The following YTHDF3 variants were observed in gnomAD, a reference collection of about 807,000 sequenced individuals.
YTHDF3 encodes YTH domain-containing family protein 3.
Under a neutral mutation model 52.5 loss-of-function variants are expected in YTHDF3, and 9 were observed. That is an observed-to-expected ratio of 0.17 (90% CI 0.10 to 0.30). The LOEUF (loss-of-function observed/expected upper bound fraction) is 0.30, where lower values mean the gene tolerates loss of function less well. YTHDF3 is among the 10% of genes least tolerant of loss of function. The probability of loss-of-function intolerance (pLI) is 1.00; values close to 1 mark genes in which losing one functional copy is unlikely to be tolerated. For missense variants in YTHDF3, 534 were observed against 715.0 expected, an observed-to-expected ratio of 0.75 and a Z score of 2.89; for synonymous variants, 274 against 243.3, an observed-to-expected ratio of 1.13 and a Z score of -1.18.
chr8:63,170,222 T>C (rs1335811354), intron 2 of YTHDF3, among the ~76,000 whole-genome samples: 1 of 152,192 alleles, frequency 6.6e-6, no homozygotes, highest in Non-Finnish European at 1.5e-5. Context: ...TAACATTTTG[T>C]AGTGCTTGAA....
At chr8:63,173,508 G>A (rs940420411) in intron 2 of YTHDF3, 11 of 288,700 alleles carry the variant, frequency 3.8e-5, no homozygotes, top group Non-Finnish European at 5.7e-5. Flanking sequence ...CTAGATTTTC[G>A]AGAACCTAGT....
At chr8:63,197,602 T>C (rs1180983410) in intron 4 of YTHDF3, among the ~76,000 whole-genome samples, 1 of 152,154 alleles carries the variant, frequency 6.6e-6, no homozygotes, top group Admixed American at 6.5e-5. Context: ...GCGTGGCTTG[T>C]AGTACGGGAG....
intron 3 of YTHDF3, among the ~76,000 whole-genome samples, chr8:63,177,480 G>A (rs746239127): frequency 1.6e-4 from 25 of 152,158 alleles, no homozygotes; most frequent in Non-Finnish European, 3.1e-4. Flanking sequence ...TAAAATAAGC[G>A]TGATTTTACT....
Position 63,187,753 on chromosome 8 carries a change from T to C in YTHDF3, c.1734+8T>C. 1 of 1,576,292 alleles carries C rather than the reference T, an allele frequency of 6.3e-7. No individual in the cohort carries two copies. Among genetic ancestry groups the C allele is most frequent in the South Asian group, 1.2e-5 (1 of 85,166 alleles). Reference sequence around the variant, plus strand: ...GAGGAAGCCATGCGTAGGGTAAGAATATAGTAATTTTTTGTTTGGGGTCTT... The same window carrying C: ...GAGGAAGCCATGCGTAGGGTAAGAACATAGTAATTTTTTGTTTGGGGTCTT... On this transcript the variant is annotated splice_region_variant and intron_variant, in intron 4 of 4. Coordinates refer to ENST00000539294, the MANE Select transcript of YTHDF3 (RefSeq NM_152758.6).
intron 3 of YTHDF3, among the ~76,000 whole-genome samples, chr8:63,180,636 A>G (rs2130037848): frequency 6.6e-6 from 1 of 152,270 alleles, no homozygotes; most frequent in African/African-American, 2.4e-5. Context: ...TGGGAGGTGG[A>G]GGTTGTAGCG....
chr8:63,209,361 A>G (rs1390472818), intron 4 of YTHDF3, among the ~76,000 whole-genome samples: 2 of 152,122 alleles, frequency 1.3e-5, no homozygotes, highest in Non-Finnish European at 2.9e-5. Flanking sequence ...TCTGTTTGAC[A>G]CCTCAAGATG....
At chr8:63,179,096 G>T (rs1382328399) in intron 3 of YTHDF3, among the ~76,000 whole-genome samples, 1 of 152,074 alleles carries the variant, frequency 6.6e-6, no homozygotes, top group Non-Finnish European at 1.5e-5. Context: ...CAAACCCAAG[G>T]GTACTTTAAA....
At chr8:63,177,902 C>T (rs184674704) in intron 3 of YTHDF3, among the ~76,000 whole-genome samples, 1 of 152,076 alleles carries the variant, frequency 6.6e-6, no homozygotes, top group East Asian at 1.9e-4. Flanking sequence ...GGATTACAGA[C>T]ACATGCTACC....
At chr8:63,203,103 A>G (rs1328887029) in intron 4 of YTHDF3, among the ~76,000 whole-genome samples, 1 of 152,002 alleles carries the variant, frequency 6.6e-6, no homozygotes, top group Non-Finnish European at 1.5e-5. Context: ...TTAGCTGAGC[A>G]TGGTGGCAGA....
At position 63,209,817 on chromosome 8, in the gene YTHDF3, T is replaced by G; in HGVS notation, c.*111T>G. 9.2e-7 allele frequency: 1 copy of G among 1,089,274 alleles called. No homozygotes were observed. The highest frequency in any genetic ancestry group is 1.3e-6 in the Non-Finnish European group (1 of 773,196). The allele number at this position is 1,089,274 out of a possible 1,614,324, so 67.5% of individuals were successfully genotyped here. ...CTCTTTTCTGCTTAAGGTGACATCT[T>G]TGAACACTTTAACACAAAGTTGACT... On this transcript the variant is annotated 3_prime_UTR_variant, in exon 5 of 5. Transcript: ENST00000539294.
chr8:63,195,862 G>A (rs1472819456), intron 4 of YTHDF3, among the ~76,000 whole-genome samples: 1 of 151,976 alleles, frequency 6.6e-6, no homozygotes, highest in Non-Finnish European at 1.5e-5. Context: ...GTGCAGTGGT[G>A]TGATCATAAG....
intron 4 of YTHDF3, among the ~76,000 whole-genome samples, chr8:63,198,166 A>G (rs1261837469): frequency 6.6e-6 from 1 of 152,080 alleles, no homozygotes; most frequent in Non-Finnish European, 1.5e-5. Context: ...TTTTGTGTGT[A>G]TTTTAGTTCT....
intron 2 of YTHDF3, among the ~76,000 whole-genome samples, chr8:63,174,281 T>TACATAGTGCCACC (rs1807542571): frequency 6.6e-6 from 1 of 152,236 alleles, no homozygotes; most frequent in South Asian, 2.1e-4. Flanking sequence ...ATAGTATATT[T>TACATAGTGCCACC]ACATAGTGCC....
At chr8:63,197,541 TA>T (rs1809318290) in intron 4 of YTHDF3, among the ~76,000 whole-genome samples, 1 of 152,110 alleles carries the variant, frequency 6.6e-6, no homozygotes, top group East Asian at 1.9e-4. Context: ...AACGGTACCT[TA>T]AGCATATTGT....
At chr8:63,200,806 A>G (rs1402170331) in intron 4 of YTHDF3, among the ~76,000 whole-genome samples, 4 of 152,194 alleles carry the variant, frequency 2.6e-5, no homozygotes, top group Admixed American at 6.5e-5. Flanking sequence ...TCAGGGTGTC[A>G]AGGTGAATTT....
intron 4 of YTHDF3, among the ~76,000 whole-genome samples, chr8:63,189,682 A>G (rs764978276): frequency 6.6e-6 from 1 of 152,218 alleles, no homozygotes; most frequent in Non-Finnish European, 1.5e-5. Context: ...CTTAAGTCAC[A>G]TAAGTGTTAA....
chr8:63,187,585 A>G lies in YTHDF3; in HGVS notation c.1574A>G (p.Asp525Gly), dbSNP rs1808607945. The G allele has an allele frequency of 6.2e-7, 1 of 1,613,548 alleles. No individual in the cohort carries two copies. The highest frequency in any genetic ancestry group is 8.5e-7 in the Non-Finnish European group (1 of 1,179,700). The change falls in exon 4 of 5, where the codon GAC (aspartate) becomes GGC (glycine). Residue 525 changes from aspartate to glycine, a missense_variant. Physicochemically the swap from Asp to Gly is moderately conservative, Grantham distance 94 (BLOSUM62 -1). This residue lies in a region of YTHDF3 where 135 missense variants were observed against 214.2 expected (regional missense o/e 0.63). Transcript: ENST00000539294. ...QLRHIRLENN[D>G]NKPVTNSRDT... ...CGGCATATTCGCTTAGAAAATAATG[A>G]CAACAAACCGGTTACCAATTCAAGG...
At chr8:63,196,185 G>T (rs1369934928) in intron 4 of YTHDF3, among the ~76,000 whole-genome samples, 1 of 151,642 alleles carries the variant, frequency 6.6e-6, no homozygotes, top group Non-Finnish European at 1.5e-5. Flanking sequence ...GCTTGATCCT[G>T]GGAAGTTGAG....
At chr8:63,208,470 G>C (rs1190606571) in intron 4 of YTHDF3, among the ~76,000 whole-genome samples, 1 of 152,216 alleles carries the variant, frequency 6.6e-6, no homozygotes, top group Non-Finnish European at 1.5e-5. Flanking sequence ...AACACCAGTG[G>C]TTTTCAAAGT....
Sources: allele counts gnomAD v4.1 joint callset (sites outside exome capture counted in the v4.1 genomes callset), GRCh38; gene constraint gnomAD v4.1.1; regional missense constraint gnomAD v4.1.1; transcripts MANE v1.5; gene names NCBI Gene and HGNC (gene_info 2026-07-23, HGNC 2026-07-21).